Variants in CTNNA3 observed in about 807,000 individuals in gnomAD.
CTNNA3 encodes the protein catenin alpha-3.
CTNNA3 carries 76 observed loss-of-function variants against 95.7 expected under a neutral mutation model. The observed-to-expected ratio is 0.79, with a 90% CI of 0.66 to 0.96. The LOEUF is 0.96. CTNNA3 is among the 40% of genes least tolerant of loss of function. The probability of loss-of-function intolerance (pLI) is 0.00; values close to 1 mark genes in which losing one functional copy is unlikely to be tolerated. For synonymous variants in CTNNA3, 431 were observed against 374.4 expected (o/e 1.15, Z -1.74); for missense variants, 1,191 against 1,089.8 (o/e 1.09, Z -1.31).
chr10:67,488,345 G>A (rs1848525297), intron 5 of CTNNA3, among the ~76,000 whole-genome samples: 1 of 152,070 alleles, frequency 6.6e-6, no homozygotes, highest in Non-Finnish European at 1.5e-5. Context: ...AGACTCTATG[G>A]GTCAGAGATC....
chr10:67,053,056 A>G (rs1855210034), intron 7 of CTNNA3, among the ~76,000 whole-genome samples: 1 of 152,176 alleles, frequency 6.6e-6, no homozygotes, highest in African/African-American at 2.4e-5. Context: ...ACACATACAA[A>G]AGCTAGAGCT....
chr10:66,005,503 C>T (rs1429871382), intron 15 of CTNNA3, among the ~76,000 whole-genome samples: 1 of 152,108 alleles, frequency 6.6e-6, no homozygotes, highest in Non-Finnish European at 1.5e-5. Context: ...TAGCTGTATG[C>T]TCCTTTACTT....
chr10:66,384,736 A>G (rs2092874697), intron 11 of CTNNA3, among the ~76,000 whole-genome samples: 1 of 152,170 alleles, frequency 6.6e-6, no homozygotes, highest in Non-Finnish European at 1.5e-5. Flanking sequence ...ATCACAACAA[A>G]CTGTCTCTCA....
At chr10:66,529,439 G>GTTTT (rs201667838) in intron 10 of CTNNA3, among the ~76,000 whole-genome samples, 170 of 50,346 alleles carry the variant, frequency 3.4e-3, no homozygotes, top group Middle Eastern at 0.017. Flanking sequence ...GCCAAACAGT[G>GTTTT]TTTTTTTTTT....
At chr10:66,733,582 T>TTTC (rs1849034852) in intron 9 of CTNNA3, among the ~76,000 whole-genome samples, 1 of 151,752 alleles carries the variant, frequency 6.6e-6, no homozygotes. Context: ...TTAAAGGGCT[T>TTTC]TTCCAAAAGA....
At chr10:66,585,298 C>A (rs1020896179) in intron 10 of CTNNA3, among the ~76,000 whole-genome samples, 1 of 151,868 alleles carries the variant, frequency 6.6e-6, no homozygotes, top group African/African-American at 2.4e-5. Flanking sequence ...ATTTTTGCTA[C>A]GTTTTTCTCC....
intron 9 of CTNNA3, among the ~76,000 whole-genome samples, chr10:66,754,712 T>C (rs1315491263): frequency 1.3e-5 from 2 of 152,076 alleles, no homozygotes; most frequent in Non-Finnish European, 2.9e-5. Context: ...AATAAGCACA[T>C]GACAAGCTAT....
intron 9 of CTNNA3, among the ~76,000 whole-genome samples, chr10:66,741,782 C>A (rs1486672682): frequency 1.3e-5 from 2 of 152,172 alleles, no homozygotes; most frequent in Non-Finnish European, 1.5e-5. Flanking sequence ...GTCCTTACTG[C>A]AATCTCTGAA....
At chr10:66,853,045 T>C in intron 7 of CTNNA3, among the ~76,000 whole-genome samples, 1 of 150,234 alleles carries the variant, frequency 6.7e-6, no homozygotes, top group East Asian at 1.9e-4. Flanking sequence ...CACCTGTTTT[T>C]GTATGGTTCA....
chr10:66,574,795 G>A (rs898777545), intron 10 of CTNNA3, among the ~76,000 whole-genome samples: 4 of 152,110 alleles, frequency 2.6e-5, no homozygotes, highest in Non-Finnish European at 4.4e-5. Flanking sequence ...CCGTATGGGC[G>A]CAAGGATGCT....
intron 7 of CTNNA3, among the ~76,000 whole-genome samples, chr10:66,845,729 A>AAAAATAAATAAAAAC (rs1297933220): frequency 1.1e-5 from 1 of 87,736 alleles, no homozygotes; most frequent in Non-Finnish European, 2.6e-5. Context: ...AAAAAAAAAA[A>AAAAATAAATAAAAAC]CTAAAAAGGT....
intron 12 of CTNNA3, among the ~76,000 whole-genome samples, chr10:66,317,877 A>C (rs1400005199): frequency 2.0e-5 from 3 of 152,030 alleles, no homozygotes; most frequent in Non-Finnish European, 4.4e-5. Context: ...CGTTAACTAA[A>C]TCAATAACAG....
intron 16 of CTNNA3, among the ~76,000 whole-genome samples, chr10:65,987,646 T>C (rs755821396): frequency 3.3e-5 from 5 of 152,126 alleles, no homozygotes; most frequent in South Asian, 2.1e-4. Flanking sequence ...AAACTAATAA[T>C]AGAACTACCA....
intron 11 of CTNNA3, among the ~76,000 whole-genome samples, chr10:66,514,017 A>G (rs983563654): frequency 6.6e-6 from 1 of 152,154 alleles, no homozygotes; most frequent in Non-Finnish European, 1.5e-5. Context: ...CCAGGGCAGG[A>G]TGTAGTCTGG....
intron 13 of CTNNA3, among the ~76,000 whole-genome samples, chr10:66,279,373 A>T (rs2091455364): frequency 6.6e-6 from 1 of 152,010 alleles, no homozygotes; most frequent in Admixed American, 6.6e-5. Flanking sequence ...TTCTATTCAT[A>T]CTTAAAAATT....
Position 67,529,496 on chromosome 10 carries a change from G to A in CTNNA3, c.460-7535C>T, listed in dbSNP as rs372087527. The stretch of plus-strand genomic sequence containing the variant: ...ATCACACTCTGGGGACTGCTGTGGG[G>A]TCGGGGGAGGGGGGAGGGATAGCTT... On this transcript the variant is annotated intron_variant, in intron 4 of 17. Transcript: ENST00000433211. Among the ~76,000 whole-genome samples, 13 of 117,124 alleles carry A rather than the reference G, an allele frequency of 1.1e-4. No homozygotes were observed. The East Asian group carries it at 2.0e-3, about 18-fold the overall frequency. 76.8% of individuals were successfully genotyped at this position (117,124 alleles called of 152,430 possible).
intron 7 of CTNNA3, among the ~76,000 whole-genome samples, chr10:67,178,619 T>G (rs1862356354): frequency 6.6e-6 from 1 of 152,122 alleles, no homozygotes; most frequent in East Asian, 1.9e-4. Flanking sequence ...CATGTATATA[T>G]ATCTGAATTT....
intron 5 of CTNNA3, among the ~76,000 whole-genome samples, chr10:67,450,491 T>C (rs1029036651): frequency 2.0e-5 from 3 of 152,152 alleles, no homozygotes; most frequent in African/African-American, 7.2e-5. Context: ...GGACATAGAT[T>C]GAGCTGGAGG....
Position 65,917,467 on chromosome 10 carries a change from T to TTA in CTNNA3, c.*2862_*2863insTA, listed in dbSNP as rs1292197986. 7.2e-5 allele frequency: 11 copies of TTA among 152,002 alleles called. No homozygotes were observed. The highest frequency in any genetic ancestry group is 2.7e-4 in the African/African-American group (11 of 41,486). 9.4% of individuals were successfully genotyped at this position (152,002 alleles called of 1,614,324 possible). The stretch of plus-strand genomic sequence containing the variant: ...TTTAGTGGATTATTATTTCGTTTTT[T>TTA]TTTAAATTTTCATTCTAATTCCAGT... On this transcript the variant is annotated 3_prime_UTR_variant, in exon 18 of 18. Transcript: ENST00000433211.
Sources: allele counts gnomAD v4.1 joint callset (sites outside exome capture counted in the v4.1 genomes callset), GRCh38; gene constraint gnomAD v4.1.1; transcripts MANE v1.5; gene names NCBI Gene and HGNC (gene_info 2026-07-23, HGNC 2026-07-21).